Variants in ST7 observed in about 807,000 individuals in gnomAD.
ST7 encodes suppression of tumorigenicity 7.
ST7 carries 28 observed loss-of-function variants against 78.7 expected under a neutral mutation model. The observed-to-expected ratio is 0.36, with a 90% CI of 0.26 to 0.49. The LOEUF (loss-of-function observed/expected upper bound fraction) is 0.49. Among genes scored for constraint, ST7 ranks in the 20% least tolerant of loss-of-function variants. The pLI is 0.99. For synonymous variants in ST7, 247 were observed against 249.6 expected, an observed-to-expected ratio of 0.99 and a Z score of 0.10; for missense variants, 418 against 696.0, an observed-to-expected ratio of 0.60 and a Z score of 4.49.
intron 12 of ST7, among the ~76,000 whole-genome samples, chr7:117,191,207 G>C (rs1809743780): frequency 6.6e-6 from 1 of 152,092 alleles, no homozygotes; most frequent in Admixed American, 6.5e-5. Context: ...GCAAAAAGTA[G>C]ATATCCCGGG....
chr7:117,150,925 A>G (rs1806191176), intron 9 of ST7, among the ~76,000 whole-genome samples: 1 of 152,240 alleles, frequency 6.6e-6, no homozygotes, highest in Admixed American at 6.5e-5. Context: ...TGAAAAACCT[A>G]GGAGTTATCC....
Position 117,191,071 on chromosome 7 carries a change from G to A in ST7, c.1254+135G>A, listed in dbSNP as rs1809730088. 5.8e-6 allele frequency: 4 copies of A among 692,334 alleles called. 1 individual carries two copies. In the South Asian group the frequency reaches 7.3e-5, roughly 13 times the overall value. The allele number at this position is 692,334 out of a possible 1,614,324, so 42.9% of individuals were successfully genotyped here. A position where few individuals can be genotyped will look rare whatever the true frequency, so the allele number is the denominator to read the frequency against. On this transcript the variant is annotated intron_variant, in intron 12 of 15. Coordinates refer to ENST00000323984, the MANE Select transcript of ST7 (RefSeq NM_001369598.1). ...AACAAATGTTGAGACCCTGTATAAT[G>A]TATGGGCATTAGCCTCATTTTAAGC... is the stretch of plus-strand genomic sequence containing the variant.
chr7:117,107,982 G>T (rs1440699709), intron 2 of ST7, among the ~76,000 whole-genome samples: 4 of 152,072 alleles, frequency 2.6e-5, no homozygotes, highest in Non-Finnish European at 5.9e-5. Flanking sequence ...GTAGATTCAG[G>T]ATATTAGTCC....
At chr7:117,150,263 TTC>T (rs1232293222) in intron 9 of ST7, among the ~76,000 whole-genome samples, 1 of 152,106 alleles carries the variant, frequency 6.6e-6, no homozygotes, top group Non-Finnish European at 1.5e-5. Flanking sequence ...TCCTCAGGGA[TTC>T]TGTTTCCTTT....
At chr7:117,220,129 A>G (rs1771343375) in intron 14 of ST7, among the ~76,000 whole-genome samples, 1 of 152,220 alleles carries the variant, frequency 6.6e-6, no homozygotes, top group Non-Finnish European at 1.5e-5. Flanking sequence ...GTAACCTTAG[A>G]GCCCTGGGTG....
intron 9 of ST7, among the ~76,000 whole-genome samples, chr7:117,153,638 A>G (rs1179836659): frequency 2.6e-5 from 4 of 152,250 alleles, no homozygotes. Context: ...GATCTGAGCA[A>G]TTCTTAGTCC....
At chr7:117,146,641 A>G (rs1322362519) in intron 9 of ST7, among the ~76,000 whole-genome samples, 1 of 152,224 alleles carries the variant, frequency 6.6e-6, no homozygotes, top group African/African-American at 2.4e-5. Context: ...AAGTGATCAG[A>G]TTCTAGATAT....
intron 8 of ST7, 100 bp downstream of exon 8, chr7:117,136,335 CAAGAG>C: frequency 7.0e-7 from 1 of 1,421,508 alleles, no homozygotes; most frequent in Non-Finnish European, 9.8e-7. Context: ...TTCTCCTAGA[CAAGAG>C]AAAATATTGG....
At chr7:117,189,959 T>A (rs1809626691) in intron 11 of ST7, among the ~76,000 whole-genome samples, 1 of 152,230 alleles carries the variant, frequency 6.6e-6, no homozygotes, top group Non-Finnish European at 1.5e-5. Flanking sequence ...AGAGCATAGA[T>A]GGCTTAACTG....
intron 10 of ST7, among the ~76,000 whole-genome samples, chr7:117,185,837 C>T (rs563722372): frequency 5.4e-4 from 82 of 152,232 alleles, no homozygotes; most frequent in African/African-American, 1.8e-3. Context: ...GCAGGAGAAT[C>T]GCTTGAACCC....
At chr7:116,972,788 G>A in intron 1 of ST7, 1 of 951,080 alleles carries the variant, frequency 1.1e-6, no homozygotes, top group Non-Finnish European at 1.7e-6. Context: ...GCCTGTTCCT[G>A]GGAACACCTT....
At chr7:116,967,449 G>C in intron 1 of ST7, 1 of 470,226 alleles carries the variant, frequency 2.1e-6, no homozygotes, top group Non-Finnish European at 4.4e-6. Context: ...CAGGCAGCTT[G>C]TGCAGGTCAG....
At chr7:117,029,571 A>G (rs1796369849) in intron 1 of ST7, among the ~76,000 whole-genome samples, 1 of 151,994 alleles carries the variant, frequency 6.6e-6, no homozygotes, top group Non-Finnish European at 1.5e-5. Flanking sequence ...TTAAGTTTTT[A>G]ATTTTGATGA....
At chr7:117,154,230 G>C (rs547560652) in intron 9 of ST7, among the ~76,000 whole-genome samples, 1 of 152,170 alleles carries the variant, frequency 6.6e-6, no homozygotes, top group Non-Finnish European at 1.5e-5. Context: ...GAGAGGATCT[G>C]TTTGTGCCAT....
At chr7:117,213,138 T>G in intron 13 of ST7, among the ~76,000 whole-genome samples, 1 of 152,246 alleles carries the variant, frequency 6.6e-6, no homozygotes, top group East Asian at 1.9e-4. Flanking sequence ...CCGCTGGCCA[T>G]GCATAGGAAG....
At chr7:117,022,051 AGTCTTTGGTT>A (rs1196287932) in intron 1 of ST7, among the ~76,000 whole-genome samples, 3 of 108,062 alleles carry the variant, frequency 2.8e-5, no homozygotes, top group Admixed American at 1.0e-4. Flanking sequence ...TCAGTGCAGA[AGTCTTTGGTT>A]CTTGGACTAG....
chr7:117,207,073 C>A (rs2115987024), intron 12 of ST7, among the ~76,000 whole-genome samples: 1 of 152,110 alleles, frequency 6.6e-6, no homozygotes, highest in Non-Finnish European at 1.5e-5. Context: ...CTATAATGTC[C>A]CTTTGTCAGG....
chr7:117,188,484 AAC>A (rs909705022), intron 10 of ST7, among the ~76,000 whole-genome samples: 6 of 152,214 alleles, frequency 3.9e-5, no homozygotes, highest in Non-Finnish European at 8.8e-5. Context: ...ATAATTTAAG[AAC>A]ACATTTTTCA....
chr7:117,080,378 A>G (rs1584596124), intron 1 of ST7, among the ~76,000 whole-genome samples: 1 of 152,140 alleles, frequency 6.6e-6, no homozygotes, highest in East Asian at 1.9e-4. Context: ...AAATGGAGTG[A>G]TCATTTTCCT....
Sources: gnomAD v4.1 joint callset for allele counts (sites outside exome capture counted in the v4.1 genomes callset) on GRCh38, gnomAD v4.1.1 for gene constraint, MANE v1.5 for transcripts, NCBI Gene and HGNC (gene_info 2026-07-23, HGNC 2026-07-21) for gene names.